The following UBE3C variants were observed in gnomAD, a reference collection of about 807,000 sequenced individuals.
UBE3C encodes ubiquitin-protein ligase E3C.
A neutral mutation model predicts 129.4 loss-of-function variants in UBE3C; 42 were observed. The observed-to-expected ratio is 0.32, with a 90% CI of 0.25 to 0.42. The LOEUF (loss-of-function observed/expected upper bound fraction) is 0.42. Ranked by LOEUF, UBE3C falls within the 10% of genes least tolerant of loss-of-function variation. The probability of loss-of-function intolerance (pLI) is 1.00; values close to 1 mark genes in which losing one functional copy is unlikely to be tolerated. For synonymous variants in UBE3C, 510 were observed against 492.4 expected (o/e 1.04, Z -0.47); for missense variants, 1,049 against 1,319.1 (o/e 0.80, Z 3.17).
chr7:157,187,842 C>T (rs1808855204), intron 10 of UBE3C, among the ~76,000 whole-genome samples: 1 of 152,104 alleles, frequency 6.6e-6, no homozygotes. Context: ...TCCCAAAGTG[C>T]TGGGATTACA....
intron 10 of UBE3C, among the ~76,000 whole-genome samples, chr7:157,190,743 G>T (rs1205291852): frequency 1.3e-5 from 2 of 152,112 alleles, no homozygotes; most frequent in Non-Finnish European, 1.5e-5. Flanking sequence ...CACATTCCTT[G>T]GATTATTGAT....
At chr7:157,168,442 T>C (rs1182383156) in intron 2 of UBE3C, among the ~76,000 whole-genome samples, 3 of 152,178 alleles carry the variant, frequency 2.0e-5, no homozygotes, top group Non-Finnish European at 2.9e-5. Flanking sequence ...CTTCTAGGTT[T>C]ATGCTCAAGA....
intron 10 of UBE3C, chr7:157,188,882 A>G (rs1808879336): frequency 3.6e-6 from 2 of 550,158 alleles, no homozygotes; most frequent in South Asian, 2.6e-5. Context: ...TCACTGATTA[A>G]TATTAGTCCC....
At chr7:157,148,635 A>G (rs1343488856) in intron 1 of UBE3C, among the ~76,000 whole-genome samples, 1 of 152,170 alleles carries the variant, frequency 6.6e-6, no homozygotes, top group Non-Finnish European at 1.5e-5. Context: ...ATGTGATAGT[A>G]TAATGCTCCA....
At chr7:157,208,987 C>G (rs1043993647) in intron 13 of UBE3C, among the ~76,000 whole-genome samples, 3 of 152,196 alleles carry the variant, frequency 2.0e-5, no homozygotes, top group African/African-American at 4.8e-5. Flanking sequence ...CATCAGCTGT[C>G]CCTTTGGGTC....
chr7:157,163,032 A>G (rs1403438566), intron 1 of UBE3C, among the ~76,000 whole-genome samples: 1 of 152,106 alleles, frequency 6.6e-6, no homozygotes, highest in Non-Finnish European at 1.5e-5. Context: ...AAAGAAATTG[A>G]TTTCTTCATT....
chr7:157,251,877 G>A (rs1446353030), intron 19 of UBE3C, among the ~76,000 whole-genome samples: 2 of 152,178 alleles, frequency 1.3e-5, no homozygotes, highest in Non-Finnish European at 2.9e-5. Flanking sequence ...GCTCACGGCT[G>A]TAATCCCAGC....
chr7:157,144,326 T>C (rs1174677373), intron 1 of UBE3C, among the ~76,000 whole-genome samples: 2 of 152,134 alleles, frequency 1.3e-5, no homozygotes, highest in African/African-American at 2.4e-5. Flanking sequence ...AAGGCAACAG[T>C]GTAGACCTTT....
At position 157,183,885 on chromosome 7, in the gene UBE3C, C is replaced by G; in HGVS notation, c.999C>G (p.Leu333=). The part of the protein sequence containing the change: ...LTVGENYLGA[L]SEEGLLVYLR... Reference sequence around the variant, plus strand: ...ACTGATTGTTTTGCAAAGGGGCCCTCTCTGAGGAAGGGCTGCTGGTGTATT... The same window carrying G: ...ACTGATTGTTTTGCAAAGGGGCCCTGTCTGAGGAAGGGCTGCTGGTGTATT... The change falls in exon 9 of 23, where the codon CTC becomes CTG. Residue 333 remains leucine, a synonymous_variant. Transcript: ENST00000348165. 6.2e-7 allele frequency: 1 copy of G among 1,613,126 alleles called. No individual in the cohort carries two copies. Among genetic ancestry groups the G allele is most frequent in the Non-Finnish European group, 8.5e-7 (1 of 1,179,390 alleles).
chr7:157,231,601 G>A (rs572544316), intron 18 of UBE3C: 72 of 408,520 alleles, frequency 1.8e-4, no homozygotes, highest in African/African-American at 1.3e-3. Context: ...ATGTGAGCTC[G>A]GCCGTCATGA....
intron 1 of UBE3C, among the ~76,000 whole-genome samples, chr7:157,140,718 A>G (rs939641456): frequency 2.6e-5 from 4 of 152,194 alleles, no homozygotes; most frequent in African/African-American, 9.7e-5. Context: ...TGTTGCAGGC[A>G]GGAACACCCC....
intron 1 of UBE3C, among the ~76,000 whole-genome samples, chr7:157,139,568 C>T (rs1159442245): frequency 6.6e-6 from 1 of 152,134 alleles, no homozygotes; most frequent in African/African-American, 2.4e-5. Flanking sequence ...CTGGCTGGGG[C>T]TTAGGACTGG....
intron 1 of UBE3C, among the ~76,000 whole-genome samples, chr7:157,143,279 A>G (rs913047592): frequency 1.3e-5 from 2 of 152,194 alleles, no homozygotes; most frequent in African/African-American, 2.4e-5. Context: ...TTGGTAGTGT[A>G]TAGAAGAATA....
rs556446332 is a variant in UBE3C, at chr7:157,196,133, T to C, written c.1332-5588T>C. 2.6e-5 allele frequency among the ~76,000 whole-genome samples: 4 copies of C among 152,306 alleles called. No homozygotes were observed. The South Asian group carries it at 8.3e-4, about 32-fold the overall frequency. On this transcript the variant is annotated intron_variant, in intron 10 of 22. Transcript: ENST00000348165. ...AAGGGTCATAGAGATGAAACAGTGC[T>C]GGTTTTTAAGATAGAAGGCCGCAAG...
At chr7:157,143,362 A>T (rs1308093449) in intron 1 of UBE3C, among the ~76,000 whole-genome samples, 1 of 152,170 alleles carries the variant, frequency 6.6e-6, no homozygotes, top group Non-Finnish European at 1.5e-5. Flanking sequence ...AAAGAAACAA[A>T]AACAAGTTTA....
At chr7:157,139,393 C>A in intron 1 of UBE3C, 55 bp downstream of exon 1, 2 of 1,029,458 alleles carry the variant, frequency 1.9e-6, no homozygotes, top group Non-Finnish European at 2.8e-6. Flanking sequence ...GGCCGGGGCT[C>A]GGGGCTGGGA....
At chr7:157,141,418 G>C (rs1224054785) in intron 1 of UBE3C, among the ~76,000 whole-genome samples, 1 of 152,156 alleles carries the variant, frequency 6.6e-6, no homozygotes, top group Non-Finnish European at 1.5e-5. Flanking sequence ...GTTGTTGTGG[G>C]ACCGTCCTAG....
At chr7:157,165,008 A>G (rs949056609) in intron 2 of UBE3C, among the ~76,000 whole-genome samples, 4 of 152,162 alleles carry the variant, frequency 2.6e-5, no homozygotes, top group African/African-American at 7.2e-5. Context: ...TGTACATTGG[A>G]GGATGTTTAG....
chr7:157,195,409 A>G (rs1809090248), intron 10 of UBE3C, among the ~76,000 whole-genome samples: 1 of 152,248 alleles, frequency 6.6e-6, no homozygotes, highest in Non-Finnish European at 1.5e-5. Flanking sequence ...TTTGTGAAAA[A>G]GTAAAGATGA....
Sources: allele counts gnomAD v4.1 joint callset (sites outside exome capture counted in the v4.1 genomes callset), GRCh38; gene constraint gnomAD v4.1.1; transcripts MANE v1.5; gene names NCBI Gene and HGNC (gene_info 2026-07-23, HGNC 2026-07-21).